Variants in BACH1 observed in about 807,000 individuals in gnomAD.
BACH1 encodes the protein BTB domain and CNC homolog 1, also known as transcription regulator protein BACH1.
BACH1 carries 35 observed loss-of-function variants against 52.9 expected under a neutral mutation model. That is an observed-to-expected ratio of 0.66 (90% confidence interval 0.51 to 0.88). BACH1 has a LOEUF of 0.88. BACH1 is among the 40% of genes least tolerant of loss of function. The probability of loss-of-function intolerance (pLI) is 0.00; values close to 1 mark genes in which losing one functional copy is unlikely to be tolerated. For synonymous variants in BACH1, 321 were observed against 319.6 expected (o/e 1.00, Z -0.05); for missense variants, 808 against 872.6 (o/e 0.93, Z 0.93).
At chr21:29,336,706 C>G (rs1160039430) in intron 4 of BACH1, among the ~76,000 whole-genome samples, 7 of 151,820 alleles carry the variant, frequency 4.6e-5, no homozygotes, top group African/African-American at 7.3e-5. Flanking sequence ...ACTCTGTTGC[C>G]TAGGCTGGAG....
chr21:29,339,570 A>T (rs76121676), intron 4 of BACH1, among the ~76,000 whole-genome samples: 2,518 of 152,078 alleles, frequency 0.017, 73 homozygotes, highest in African/African-American at 0.058. Context: ...TCTTTAAAAA[A>T]ATTATATTTG....
At chr21:29,356,049 C>T (rs139261533) in intron 2 of BACH1, among the ~76,000 whole-genome samples, 1,979 of 152,214 alleles carry the variant, frequency 0.013, 36 homozygotes, top group African/African-American at 0.045. Flanking sequence ...GGATAGATTT[C>T]GTTATTTCTT....
intron 1 of BACH1, chr21:29,305,319 G>A (rs1601336615): frequency 6.6e-6 from 1 of 152,104 alleles, no homozygotes; most frequent in East Asian, 1.9e-4. Context: ...TTGGGGATGA[G>A]CATGTAATTA....
intron 2 of BACH1, among the ~76,000 whole-genome samples, chr21:29,324,666 T>C (rs1191264312): frequency 1.3e-5 from 2 of 152,140 alleles, no homozygotes; most frequent in African/African-American, 4.8e-5. Context: ...ATAAAATTGC[T>C]GTAAACATTT....
At chr21:29,354,222 G>C (rs879708843) in intron 2 of BACH1, among the ~76,000 whole-genome samples, 4 of 152,230 alleles carry the variant, frequency 2.6e-5, no homozygotes, top group Non-Finnish European at 5.9e-5. Flanking sequence ...TGTGGCCGGG[G>C]ATAATGAGGG....
At chr21:29,347,985 A>C (rs1390125272), downstream of BACH1, among the ~76,000 whole-genome samples, 2 of 152,210 alleles carry the variant, frequency 1.3e-5, no homozygotes, top group Non-Finnish European at 2.9e-5. Context: ...TTTTAGAGAA[A>C]AAAATTCAAA....
At chr21:29,336,227 A>C (rs2089042392) in intron 4 of BACH1, among the ~76,000 whole-genome samples, 1 of 152,154 alleles carries the variant, frequency 6.6e-6, no homozygotes, top group African/African-American at 2.4e-5. Flanking sequence ...TCTTACTTTA[A>C]GTTATTTGTC....
intron 1 of BACH1, among the ~76,000 whole-genome samples, chr21:29,320,119 A>G (rs1171329307): frequency 6.6e-6 from 1 of 152,040 alleles, no homozygotes; most frequent in East Asian, 1.9e-4. Flanking sequence ...TTTTGTTTGG[A>G]GTGTGTAGCA....
chr21:29,306,253 C>T (rs2088656261), intron 1 of BACH1, among the ~76,000 whole-genome samples: 1 of 150,856 alleles, frequency 6.6e-6, no homozygotes, highest in South Asian at 2.1e-4. Flanking sequence ...AAGATGCAGG[C>T]AACGTCCTTG....
At chr21:29,354,505 G>A (rs371735001) in intron 2 of BACH1, among the ~76,000 whole-genome samples, 2 of 152,142 alleles carry the variant, frequency 1.3e-5, no homozygotes, top group Non-Finnish European at 2.9e-5. Context: ...GGATGTGTTC[G>A]TGGGAAATCA....
chr21:29,336,275 C>T (rs1178285635), intron 4 of BACH1, among the ~76,000 whole-genome samples: 2 of 152,084 alleles, frequency 1.3e-5, no homozygotes. Context: ...TTTCTCCATC[C>T]CTTTACTTCC....
chr21:29,333,832 G>T (rs866323061), intron 4 of BACH1, among the ~76,000 whole-genome samples: 11 of 152,222 alleles, frequency 7.2e-5, no homozygotes, highest in Non-Finnish European at 4.4e-5. Flanking sequence ...TAAAGTCTCA[G>T]TGTGTTGGGA....
At chr21:29,313,972 A>G (rs1323741394) in intron 1 of BACH1, among the ~76,000 whole-genome samples, 5 of 152,178 alleles carry the variant, frequency 3.3e-5, no homozygotes, top group Admixed American at 3.3e-4. Context: ...TTTATTCTAT[A>G]TAAATCATAC....
chr21:29,317,218 A>C (rs896029204), intron 1 of BACH1, among the ~76,000 whole-genome samples: 7 of 152,206 alleles, frequency 4.6e-5, no homozygotes, highest in African/African-American at 7.2e-5. Flanking sequence ...TGTGGGGAAA[A>C]TTTGTCTTCC....
At chr21:29,352,569 TG>T (rs2089209306) in intron 2 of BACH1, 1 of 152,230 alleles carries the variant, frequency 6.6e-6, no homozygotes, top group Admixed American at 6.5e-5. Flanking sequence ...TAATTTGCTC[TG>T]TTGCCCAGGC....
chr21:29,333,818 T>TAA (rs1569019211), intron 4 of BACH1, among the ~76,000 whole-genome samples: 1 of 152,158 alleles, frequency 6.6e-6, no homozygotes, highest in Non-Finnish European at 1.5e-5. Flanking sequence ...AAGGACACTT[T>TAA]TATTAAAGTC....
chr21:29,333,335 T>C (rs1237254056), intron 4 of BACH1, among the ~76,000 whole-genome samples: 1 of 151,922 alleles, frequency 6.6e-6, no homozygotes, highest in Non-Finnish European at 1.5e-5. Flanking sequence ...GCATGGAGAG[T>C]TGAGAAAGAG....
Position 29,344,389 on chromosome 21 carries a change from G to GA in BACH1, c.*1557dup, listed in dbSNP as rs1369888729. 5.2e-5 allele frequency: 8 copies of GA among 152,752 alleles called. No homozygotes were observed. The East Asian group carries it at 1.5e-3, about 29-fold the overall frequency. 9.5% of individuals were successfully genotyped at this position (152,752 alleles called of 1,614,324 possible). A position where few individuals can be genotyped will look rare whatever the true frequency, so the allele number is the denominator to read the frequency against. ...TCTGAAGCAAGTTGGCCTTGCCCTT[G>GA]AGAGTATATGGGGACCAGTCTTCAT... On this transcript the variant is annotated 3_prime_UTR_variant, in exon 5 of 5. Coordinates refer to ENST00000286800, the MANE Select transcript of BACH1 (RefSeq NM_001186.4).
chr21:29,307,605 T>C (rs1369681417), intron 1 of BACH1, among the ~76,000 whole-genome samples: 1 of 152,170 alleles, frequency 6.6e-6, no homozygotes, highest in Non-Finnish European at 1.5e-5. Context: ...TTACAGTATA[T>C]GGTTATAATT....
Sources: allele counts gnomAD v4.1 joint callset (sites outside exome capture counted in the v4.1 genomes callset), GRCh38; gene constraint gnomAD v4.1.1; transcripts MANE v1.5; gene names NCBI Gene and HGNC (gene_info 2026-07-23, HGNC 2026-07-21).